Variants in KLHL14 observed in about 807,000 individuals in gnomAD.
KLHL14 encodes kelch-like protein 14.
KLHL14 carries 22 observed loss-of-function variants against 64.3 expected under a neutral mutation model. That is an observed-to-expected ratio of 0.34 (90% CI 0.24 to 0.49). The LOEUF (loss-of-function observed/expected upper bound fraction) is 0.49, where lower values mean the gene tolerates loss of function less well. Ranked by LOEUF, KLHL14 falls within the 20% of genes least tolerant of loss-of-function variation. The probability of loss-of-function intolerance (pLI) is 0.99; values close to 1 mark genes in which losing one functional copy is unlikely to be tolerated. For missense variants in KLHL14, 661 were observed against 789.0 expected (o/e 0.84, Z 1.94); for synonymous variants, 322 against 333.4 (o/e 0.97, Z 0.37).
chr18:32,711,484 T>G (rs1364702809), intron 3 of KLHL14, among the ~76,000 whole-genome samples: 2 of 152,210 alleles, frequency 1.3e-5, no homozygotes, highest in African/African-American at 4.8e-5. Flanking sequence ...ACACTACTTC[T>G]CAATAGATTT....
Position 32,741,922 on chromosome 18 carries a change from A to T in KLHL14, c.1069+6T>A. ...GAGTGAATAAATAAATAAATAATGC[A>T]CTCACTTGTGAGTATTTTCCATGTC... On this transcript the variant is annotated splice_donor_region_variant and intron_variant, in intron 3 of 8. Coordinates refer to ENST00000359358, the MANE Select transcript of KLHL14 (RefSeq NM_020805.3). 1 of 1,583,548 alleles carries T rather than the reference A, an allele frequency of 6.3e-7. No individual in the cohort carries two copies. Among genetic ancestry groups the T allele is most frequent in the Non-Finnish European group, 8.6e-7 (1 of 1,169,218 alleles).
chr18:32,723,920 G>A (rs2144513036), intron 3 of KLHL14, among the ~76,000 whole-genome samples: 1 of 152,082 alleles, frequency 6.6e-6, no homozygotes, highest in South Asian at 2.1e-4. Context: ...GCACTTTGTG[G>A]GTTCTCTTCT....
At chr18:32,747,398 C>T (rs538809757) in intron 2 of KLHL14, among the ~76,000 whole-genome samples, 1 of 152,282 alleles carries the variant, frequency 6.6e-6, no homozygotes, top group Admixed American at 6.5e-5. Flanking sequence ...GAGCCCTGAG[C>T]TTGTTTTCCT....
chr18:32,753,476 T>C (rs1364850627), intron 2 of KLHL14, among the ~76,000 whole-genome samples: 2 of 152,140 alleles, frequency 1.3e-5, no homozygotes, highest in African/African-American at 4.8e-5. Flanking sequence ...AATGTTACTG[T>C]GTCCTCTAGC....
rs369411103 is a variant in KLHL14 at position 32,683,634 on chromosome 18, C to CT, written c.1239-3036dup. On this transcript the variant is annotated intron_variant, in intron 5 of 8. Coordinates refer to ENST00000359358, the MANE Select transcript of KLHL14 (RefSeq NM_020805.3). This position sits in a 1 kb window ranked among gnomAD's most constrained non-coding sequence, Gnocchi z 4.2. ...ATTGTTCATCTCTCCCTCCTTCAGC[C>CT]TCCCCTGCCCCCACTGCCAGAAGCA... 2.5e-4 allele frequency among the ~76,000 whole-genome samples: 38 copies of CT among 152,298 alleles called. No individual in the cohort carries two copies. Among genetic ancestry groups the CT allele is most frequent in the African/African-American group, 8.7e-4 (36 of 41,564 alleles).
chr18:32,729,077 A>G (rs9957814), intron 3 of KLHL14, among the ~76,000 whole-genome samples: 45,015 of 152,058 alleles, frequency 0.3, 6,948 homozygotes, highest in African/African-American at 0.37. Context: ...AGGTAACCTA[A>G]ATTAAAAAGT....
rs1192542814 is a variant in KLHL14, at chr18:32,673,405, C to T, written c.*1252G>A. 6 of 152,172 alleles carry T rather than the reference C, an allele frequency of 3.9e-5. No homozygotes were observed. The highest frequency in any genetic ancestry group is 1.4e-4 in the African/African-American group (6 of 41,438). 9.4% of individuals were successfully genotyped at this position (152,172 alleles called of 1,614,324 possible). Reference sequence around the variant, plus strand: ...AGGGCTTGAAAATCGAATGTGCATTCCTGTCAGTTTTGTCCTTTTGGTTGG... The same window carrying T: ...AGGGCTTGAAAATCGAATGTGCATTTCTGTCAGTTTTGTCCTTTTGGTTGG... On this transcript the variant is annotated 3_prime_UTR_variant, in exon 9 of 9. Transcript: ENST00000359358.
chr18:32,737,245 G>A (rs2050171058), intron 3 of KLHL14: 1 of 152,046 alleles, frequency 6.6e-6, no homozygotes, highest in Non-Finnish European at 1.5e-5. Context: ...AAACCCACAG[G>A]TACAAAGCCC....
chr18:32,755,195 TG>T (rs974992562), intron 2 of KLHL14, among the ~76,000 whole-genome samples: 3 of 152,020 alleles, frequency 2.0e-5, no homozygotes, highest in African/African-American at 7.2e-5. Flanking sequence ...GAGGGCTCCG[TG>T]GTGTCTAGGA....
At chr18:32,755,627 A>G in intron 2 of KLHL14, among the ~76,000 whole-genome samples, 1 of 152,212 alleles carries the variant, frequency 6.6e-6, no homozygotes, top group East Asian at 1.9e-4. Context: ...AAAAAACAGA[A>G]GCAATTATTT....
chr18:32,707,934 G>A (rs2049998583), intron 3 of KLHL14, among the ~76,000 whole-genome samples: 1 of 152,190 alleles, frequency 6.6e-6, no homozygotes. Flanking sequence ...TCCTGATACA[G>A]TAGGAGATGG....
chr18:32,743,294 G>A (rs1166008102), intron 2 of KLHL14: 7 of 152,188 alleles, frequency 4.6e-5, no homozygotes, highest in Non-Finnish European at 7.4e-5. Flanking sequence ...TATTCAGCTC[G>A]TTCTGATTCA....
chr18:32,762,378 C>T (rs1295698985), intron 2 of KLHL14, among the ~76,000 whole-genome samples: 1 of 151,930 alleles, frequency 6.6e-6, no homozygotes, highest in Non-Finnish European at 1.5e-5. Flanking sequence ...AAATTTCTTG[C>T]CCATCTTCTT....
At chr18:32,724,895 T>C (rs370089966) in intron 3 of KLHL14, among the ~76,000 whole-genome samples, 1 of 152,222 alleles carries the variant, frequency 6.6e-6, no homozygotes, top group Admixed American at 6.5e-5. Flanking sequence ...GTCTGCCTTA[T>C]GAACACTAAA....
chr18:32,714,305 C>T (rs1421446653), intron 3 of KLHL14, among the ~76,000 whole-genome samples: 2 of 152,040 alleles, frequency 1.3e-5, no homozygotes, highest in Admixed American at 1.3e-4. Context: ...TATAGGCTGG[C>T]GACCACAGCT....
intron 3 of KLHL14, among the ~76,000 whole-genome samples, chr18:32,709,387 C>A (rs897409287): frequency 6.6e-6 from 1 of 152,136 alleles, no homozygotes; most frequent in South Asian, 2.1e-4. Context: ...GAAAGCCCTT[C>A]CCTATCATTC....
chr18:32,696,628 G>A (rs1359254928), intron 3 of KLHL14, among the ~76,000 whole-genome samples: 1 of 152,000 alleles, frequency 6.6e-6, no homozygotes, highest in Admixed American at 6.6e-5. Context: ...AGAAACCAGT[G>A]CAGTGGGAAA....
At chr18:32,697,001 C>A (rs538610599) in intron 3 of KLHL14, among the ~76,000 whole-genome samples, 1 of 152,284 alleles carries the variant, frequency 6.6e-6, no homozygotes, top group Admixed American at 6.5e-5. Context: ...AGGCGGAAGG[C>A]ATTGGTGTGT....
intron 2 of KLHL14, among the ~76,000 whole-genome samples, chr18:32,754,222 AT>A (rs1274088900): frequency 6.6e-6 from 1 of 152,234 alleles, no homozygotes; most frequent in Non-Finnish European, 1.5e-5. Flanking sequence ...CTCGTAAGTA[AT>A]GCCTGCATTT....
Sources: gnomAD v4.1 joint callset for allele counts (sites outside exome capture counted in the v4.1 genomes callset) on GRCh38, gnomAD v4.1.1 for gene constraint, Gnocchi (gnomAD v3.1) non-coding constraint, MANE v1.5 for transcripts, NCBI Gene and HGNC (gene_info 2026-07-23, HGNC 2026-07-21) for gene names.